Variants in ZNF780A observed in about 807,000 individuals in gnomAD.
ZNF780A encodes zinc finger protein 780A.
ZNF780A carries 40 observed loss-of-function variants against 56.7 expected under a neutral mutation model. That is an observed-to-expected ratio of 0.71 (90% confidence interval 0.55 to 0.92). The LOEUF (loss-of-function observed/expected upper bound fraction) is 0.92, where lower values mean the gene tolerates loss of function less well. Ranked by LOEUF, ZNF780A falls within the 40% of genes least tolerant of loss-of-function variation. The pLI, the probability that ZNF780A is intolerant of heterozygous loss-of-function variation, is 0.00. For synonymous variants in ZNF780A, 231 were observed against 248.3 expected (o/e 0.93, Z 0.66); for missense variants, 672 against 783.3 (o/e 0.86, Z 1.70).
intron 5 of ZNF780A, among the ~76,000 whole-genome samples, chr19:40,076,954 C>T (rs1189963168): frequency 6.6e-6 from 1 of 152,072 alleles, no homozygotes; most frequent in African/African-American, 2.4e-5. Flanking sequence ...TGCTTGGGAG[C>T]CAGAAGGTTG....
chr19:40,079,899 G>A (rs946819583), intron 5 of ZNF780A, among the ~76,000 whole-genome samples: 2 of 151,890 alleles, frequency 1.3e-5, no homozygotes, highest in Non-Finnish European at 2.9e-5. Context: ...TCAAATAAAC[G>A]ATCTAATGAA....
At chr19:40,078,239 A>G in intron 5 of ZNF780A, among the ~76,000 whole-genome samples, 1 of 152,104 alleles carries the variant, frequency 6.6e-6, no homozygotes, top group East Asian at 1.9e-4. Flanking sequence ...GAAATAACCC[A>G]GTCAGACAAA....
intron 2 of ZNF780A, 115 bp downstream of exon 2, chr19:40,090,051 A>T (rs1398479242): frequency 6.6e-6 from 1 of 152,214 alleles, no homozygotes; most frequent in Non-Finnish European, 1.5e-5. Flanking sequence ...AAGGTGAAGG[A>T]GGGGGCACGA....
chr19:40,081,568 AG>A (rs942439165), intron 5 of ZNF780A, among the ~76,000 whole-genome samples: 1 of 151,914 alleles, frequency 6.6e-6, no homozygotes, highest in African/African-American at 2.4e-5. Context: ...GGAAAAAAAG[AG>A]GGAACTTACT....
Position 40,083,175 on chromosome 19 carries a change from C to A in ZNF780A, c.72G>T (p.Gln24His), listed in dbSNP as rs756541533. 3 of 1,614,212 alleles carry A rather than the reference C, an allele frequency of 1.9e-6. No homozygotes were observed. The Admixed American group carries it at 5.0e-5, about 27-fold the overall frequency. ...DFSQEEWECL[Q>H]PDQRTLYRDV... The stretch of plus-strand genomic sequence containing the variant: ...CCCTGTACAAGGTCCTCTGATCAGG[C>A]TGCAGGCACTCCCACTCCTCCTGAG... Residue 24 changes from glutamine to histidine, a missense_variant, in exon 4 of 6, where the codon CAG becomes CAT. Coordinates refer to ENST00000683561, the MANE Select transcript of ZNF780A (RefSeq NM_001142578.2).
At chr19:40,069,537 AC>A (rs1302652579), downstream of ZNF780A, 1 of 152,096 alleles carries the variant, frequency 6.6e-6, no homozygotes, top group African/African-American at 2.4e-5. Context: ...GCAACATATC[AC>A]TTTTGTACCA....
rs1974499648 is a variant in ZNF780A at position 40,081,861 on chromosome 19, G to T, written c.190C>A (p.Pro64Thr). The stretch of plus-strand genomic sequence containing the variant: ...GTTTCTTTCCTTACAACCATCCAGG[G>T]CTCTTTCTCTTGCTCTAGTAACGTA... ...VITLLEQEKEPWMVVRKETSR... is the reference protein window; with the variant it reads ...VITLLEQEKETWMVVRKETSR... The change falls in exon 5 of 6, where the codon CCC becomes ACC. Residue 64 changes from proline (P) to threonine (T), a missense_variant. By Grantham distance (38) the Pro-to-Thr change is conservative. Transcript: ENST00000683561. The T allele has an allele frequency of 2.5e-6, 4 of 1,612,702 alleles. No individual in the cohort carries two copies. Among genetic ancestry groups the T allele is most frequent in the Middle Eastern group, 3.3e-4 (2 of 6,070 alleles).
In ZNF780A at chr19:40,073,808, T is replaced by C; in HGVS notation, c.*708A>G. ...TGAGCTCTCTGGTGTTGAGTAAATT[T>C]TTCGTACACAGTGAAGGCTTGTCCA... On this transcript the variant is annotated 3_prime_UTR_variant, in exon 6 of 6. Coordinates refer to ENST00000683561, the MANE Select transcript of ZNF780A (RefSeq NM_001142578.2). The C allele has an allele frequency of 3.0e-6, 3 of 988,582 alleles. No homozygotes were observed. Among genetic ancestry groups the C allele is most frequent in the Non-Finnish European group, 3.6e-6 (3 of 831,920 alleles). The allele number at this position is 988,582 out of a possible 1,614,324, so 61.2% of individuals were successfully genotyped here.
intron 5 of ZNF780A, 35 bp downstream of exon 5, chr19:40,081,784 G>A (rs1329854703): frequency 1.3e-6 from 2 of 1,555,382 alleles, no homozygotes; most frequent in East Asian, 2.3e-5. Flanking sequence ...CCAGGACAAT[G>A]ATGGCTTCCC....
chr19:40,083,025 T>C, intron 4 of ZNF780A, 86 bp downstream of exon 4: 1 of 1,607,416 alleles, frequency 6.2e-7, no homozygotes, highest in Non-Finnish European at 8.5e-7. Flanking sequence ...CAGCCACCTC[T>C]TAAAAGATAG....
At chr19:40,072,859 A>C, downstream of ZNF780A, 1 of 1,537,868 alleles carries the variant, frequency 6.5e-7, no homozygotes, top group South Asian at 1.2e-5. Flanking sequence ...GCCTACATTC[A>C]TAGGATTTCC....
At chr19:40,086,778 C>T (rs535463525) in intron 2 of ZNF780A, among the ~76,000 whole-genome samples, 9 of 152,284 alleles carry the variant, frequency 5.9e-5, no homozygotes, top group African/African-American at 2.2e-4. Flanking sequence ...TCTCGGCTCA[C>T]TGCAACCTCA....
downstream of ZNF780A, chr19:40,070,556 T>C (rs939842517): frequency 1.1e-4 from 16 of 152,324 alleles, no homozygotes; most frequent in Admixed American, 9.8e-4. Context: ...TAAGAATTTT[T>C]TGAAAAGCAA....
At chr19:40,084,982 G>A (rs1168064364) in intron 2 of ZNF780A, among the ~76,000 whole-genome samples, 184 bp from the exon 3 acceptor site, 3 of 152,242 alleles carry the variant, frequency 2.0e-5, no homozygotes, top group Admixed American at 6.5e-5. Context: ...AACGGGTGGA[G>A]TAGGGATGAA....
chr19:40,073,482 G>C lies in ZNF780A; in HGVS notation c.*1034C>G, dbSNP rs1238834143. The C allele has an allele frequency of 1.0e-5, 10 of 980,990 alleles. No individual in the cohort carries two copies. The highest frequency in any genetic ancestry group is 1.1e-4 in the East Asian group (1 of 8,814). 60.8% of individuals were successfully genotyped at this position (980,990 alleles called of 1,614,324 possible). A position where few individuals can be genotyped will look rare whatever the true frequency, so the allele number is the denominator to read the frequency against. ...ACCACAGGGTTGCCACAAACCTTCA[G>C]TTTGTATAAAACACAATAACTGCAA... On this transcript the variant is annotated 3_prime_UTR_variant, in exon 6 of 6. Coordinates refer to ENST00000683561, the MANE Select transcript of ZNF780A (RefSeq NM_001142578.2).
intron 2 of ZNF780A, among the ~76,000 whole-genome samples, chr19:40,086,653 C>T (rs934490432): frequency 4.6e-5 from 7 of 152,038 alleles, no homozygotes; most frequent in African/African-American, 1.7e-4. Flanking sequence ...TTATAGAATT[C>T]TTATACAAAA....
At position 40,083,103 on chromosome 19, in the gene ZNF780A, G is replaced by A. The variant is rs1443003701; in HGVS notation, c.136+8C>T. On this transcript the variant is annotated splice_region_variant and intron_variant, in intron 4 of 5. Coordinates refer to ENST00000683561, the MANE Select transcript of ZNF780A (RefSeq NM_001142578.2). Reference sequence around the variant, plus strand: ...GATATAAAAATAGCTGGGACTCAACGACCTTACCCAGTGAGATCAGGTGGC... The same window carrying A: ...GATATAAAAATAGCTGGGACTCAACAACCTTACCCAGTGAGATCAGGTGGC... The A allele has an allele frequency of 3.7e-6, 6 of 1,613,982 alleles. No individual in the cohort carries two copies. Among genetic ancestry groups the A allele is most frequent in the East Asian group, 4.5e-5 (2 of 44,894 alleles).
At chr19:40,088,565 C>T (rs1212920849) in intron 2 of ZNF780A, among the ~76,000 whole-genome samples, 7 of 152,098 alleles carry the variant, frequency 4.6e-5, no homozygotes, top group African/African-American at 1.7e-4. Context: ...TAAATGGGCA[C>T]AGCCATTATG....
At chr19:40,086,257 GAAAAAATTGTCT>G (rs57456185) in intron 2 of ZNF780A, among the ~76,000 whole-genome samples, 14,108 of 151,838 alleles carry the variant, frequency 0.093, 1,168 homozygotes, top group African/African-American at 0.21. Context: ...GCAATCTCTA[GAAAAAATTGTCT>G]ACAAGTCCCC....
Sources: allele counts gnomAD v4.1 joint callset (sites outside exome capture counted in the v4.1 genomes callset), GRCh38; gene constraint gnomAD v4.1.1; transcripts MANE v1.5; gene names NCBI Gene and HGNC (gene_info 2026-07-23, HGNC 2026-07-21).